Variants in ITFG1 observed in about 807,000 individuals in gnomAD.
ITFG1 encodes integrin alpha FG-GAP repeat containing 1.
ITFG1 carries 34 observed loss-of-function variants against 81.8 expected under a neutral mutation model. That is an observed-to-expected ratio of 0.42 (90% CI 0.32 to 0.55). The LOEUF (loss-of-function observed/expected upper bound fraction) is 0.55. ITFG1 is among the 20% of genes least tolerant of loss of function. The pLI, the probability that ITFG1 is intolerant of heterozygous loss-of-function variation, is 0.17. For missense variants in ITFG1, 672 were observed against 755.4 expected, an observed-to-expected ratio of 0.89 and a Z score of 1.29; for synonymous variants, 285 against 270.6, an observed-to-expected ratio of 1.05 and a Z score of -0.52.
chr16:47,309,295 C>T (rs1226202388), intron 10 of ITFG1, among the ~76,000 whole-genome samples: 2 of 152,100 alleles, frequency 1.3e-5, no homozygotes, highest in Non-Finnish European at 2.9e-5. Flanking sequence ...TCTCCTCGAT[C>T]TCTTGACCTC....
intron 10 of ITFG1, among the ~76,000 whole-genome samples, chr16:47,280,787 A>G (rs1280800529): frequency 6.6e-6 from 1 of 152,148 alleles, no homozygotes; most frequent in Admixed American, 6.6e-5. Flanking sequence ...GAGCAGCTTG[A>G]GTCCAACGAC....
At chr16:47,219,260 C>T (rs1965662650) in intron 13 of ITFG1, among the ~76,000 whole-genome samples, 1 of 152,096 alleles carries the variant, frequency 6.6e-6, no homozygotes, top group African/African-American at 2.4e-5. Context: ...TATAGCATTG[C>T]TTTTTCCCTT....
At chr16:47,441,591 T>G (rs1969251462) in intron 5 of ITFG1, among the ~76,000 whole-genome samples, 1 of 152,170 alleles carries the variant, frequency 6.6e-6, no homozygotes, top group South Asian at 2.1e-4. Context: ...CATGGTTATC[T>G]CAATAGATGC....
At chr16:47,334,621 C>T (rs925597255) in intron 8 of ITFG1, among the ~76,000 whole-genome samples, 2 of 152,084 alleles carry the variant, frequency 1.3e-5, no homozygotes, top group African/African-American at 4.8e-5. Flanking sequence ...AGGTGGAGAA[C>T]TGTTAGCTGG....
intron 5 of ITFG1, among the ~76,000 whole-genome samples, chr16:47,439,353 C>A (rs532925272): frequency 6.6e-6 from 1 of 152,014 alleles, no homozygotes; most frequent in African/African-American, 2.4e-5. Context: ...AGATACTCCT[C>A]GAGAACAGCA....
intron 5 of ITFG1, among the ~76,000 whole-genome samples, chr16:47,439,613 T>C (rs922269895): frequency 6.6e-6 from 1 of 152,038 alleles, no homozygotes; most frequent in Non-Finnish European, 1.5e-5. Flanking sequence ...AGAAATAAAA[T>C]ACTTTACAGA....
rs1193336653 is a variant in ITFG1, at chr16:47,161,829, T to C, written c.1582A>G (p.Ile528Val). Reference protein sequence around the residue: ...GIPRPSGEKSIRKQEWTAIIP... With the variant: ...GIPRPSGEKSVRKQEWTAIIP... Reference sequence around the variant, plus strand: ...ATTGCAGTCCACTCTTGTTTTCGTATAGACTGGAAGAAGAATTTAAGAACA... The same window carrying C: ...ATTGCAGTCCACTCTTGTTTTCGTACAGACTGGAAGAAGAATTTAAGAACA... Residue 528 changes from isoleucine (I) to valine (V), a missense_variant, in exon 16 of 18, where the codon ATA becomes GTA. Ile to Val is a conservative substitution (Grantham distance 29). Transcript: ENST00000320640. 5.1e-6 allele frequency: 8 copies of C among 1,578,476 alleles called. No individual in the cohort carries two copies. Among genetic ancestry groups the C allele is most frequent in the Admixed American group, 3.3e-5 (2 of 59,954 alleles).
intron 6 of ITFG1, among the ~76,000 whole-genome samples, chr16:47,395,276 T>G (rs1467980047): frequency 1.3e-5 from 2 of 152,164 alleles, no homozygotes; most frequent in Non-Finnish European, 2.9e-5. Flanking sequence ...ATTAAAATTA[T>G]GATGACATTT....
chr16:47,162,537 C>A lies in ITFG1; in HGVS notation c.1578+3G>T. The A allele has an allele frequency of 6.3e-7, 1 of 1,593,524 alleles. No individual in the cohort carries two copies. The highest frequency in any genetic ancestry group is 1.2e-5 in the South Asian group (1 of 86,256). On this transcript the variant is annotated splice_donor_region_variant and intron_variant, in intron 15 of 17. Coordinates refer to ENST00000320640, the MANE Select transcript of ITFG1 (RefSeq NM_030790.5). ...ATTGTAAACAAAATGAATTTTTACT[C>A]ACTTTTTCTCCAGATGGACGGGGAA...
intron 12 of ITFG1, among the ~76,000 whole-genome samples, chr16:47,241,299 T>C (rs1193636286): frequency 6.6e-6 from 1 of 152,180 alleles, no homozygotes; most frequent in African/African-American, 2.4e-5. Context: ...TCCAGCTATA[T>C]TCCAAGAAAA....
At chr16:47,385,570 A>G (rs1232869829) in intron 6 of ITFG1, among the ~76,000 whole-genome samples, 1 of 152,268 alleles carries the variant, frequency 6.6e-6, no homozygotes, top group Non-Finnish European at 1.5e-5. Context: ...TTCAAAAGCT[A>G]CATGAAATAA....
At chr16:47,253,712 G>A (rs945945436) in intron 12 of ITFG1, among the ~76,000 whole-genome samples, 3 of 152,160 alleles carry the variant, frequency 2.0e-5, no homozygotes, top group African/African-American at 4.8e-5. Context: ...AATAGGCGTC[G>A]TGCTCCTATG....
At chr16:47,408,833 C>G (rs1400950690) in intron 6 of ITFG1, among the ~76,000 whole-genome samples, 20 of 152,120 alleles carry the variant, frequency 1.3e-4, no homozygotes, top group Admixed American at 1.3e-3. Flanking sequence ...TTTAGGACCT[C>G]TTTATACGTT....
chr16:47,243,813 G>A (rs556835118), intron 12 of ITFG1, among the ~76,000 whole-genome samples: 2 of 152,170 alleles, frequency 1.3e-5, no homozygotes, highest in East Asian at 1.9e-4. Flanking sequence ...GGCCAAGGTG[G>A]GTGGATTAGG....
intron 6 of ITFG1, among the ~76,000 whole-genome samples, chr16:47,376,870 G>C (rs1433011469): frequency 6.7e-6 from 1 of 148,994 alleles, no homozygotes; most frequent in Non-Finnish European, 1.5e-5. Context: ...TTGGGAGGCT[G>C]AGGCAGAAGA....
chr16:47,177,030 G>A (rs1965036308), intron 14 of ITFG1, among the ~76,000 whole-genome samples: 1 of 150,482 alleles, frequency 6.6e-6, no homozygotes, highest in Non-Finnish European at 1.5e-5. Flanking sequence ...TCACACCATA[G>A]CTTACTGCAG....
At chr16:47,184,893 G>T (rs1965189858) in intron 14 of ITFG1, among the ~76,000 whole-genome samples, 1 of 151,960 alleles carries the variant, frequency 6.6e-6, no homozygotes, top group African/African-American at 2.4e-5. Context: ...CATCTCACGT[G>T]CAGAGACACA....
intron 12 of ITFG1, among the ~76,000 whole-genome samples, chr16:47,244,834 C>G (rs1311544741): frequency 6.6e-6 from 1 of 152,034 alleles, no homozygotes; most frequent in Non-Finnish European, 1.5e-5. Context: ...CTTCTCTCTA[C>G]ATGCACATGA....
At chr16:47,235,074 G>A (rs957672209) in intron 13 of ITFG1, among the ~76,000 whole-genome samples, 2 of 152,150 alleles carry the variant, frequency 1.3e-5, no homozygotes, top group Non-Finnish European at 2.9e-5. Flanking sequence ...ACCCAGTCAT[G>A]GGTATTTCTT....
Sources: gnomAD v4.1 joint callset for allele counts (sites outside exome capture counted in the v4.1 genomes callset) on GRCh38, gnomAD v4.1.1 for gene constraint, MANE v1.5 for transcripts, NCBI Gene and HGNC (gene_info 2026-07-23, HGNC 2026-07-21) for gene names.